SESN3: variants seen among roughly 807,000 people sequenced by gnomAD.
SESN3 encodes the protein sestrin 3, also known as sestrin-3.
SESN3 carries 21 observed loss-of-function variants against 55.3 expected under a neutral mutation model. That is an observed-to-expected ratio of 0.38 (90% CI 0.27 to 0.55). SESN3 has a LOEUF of 0.55. SESN3 is among the 20% of genes least tolerant of loss of function. The pLI is 0.76. For missense variants in SESN3, 408 were observed against 604.3 expected (o/e 0.68, Z 3.41); for synonymous variants, 181 against 203.1 (o/e 0.89, Z 0.93).
chr11:95,206,041 A>T (rs2134249674), intron 1 of SESN3, among the ~76,000 whole-genome samples: 1 of 152,088 alleles, frequency 6.6e-6, no homozygotes, highest in Middle Eastern at 3.4e-3. Context: ...CAGTTCCTAA[A>T]TTCTGTATAT....
chr11:95,200,393 A>G (rs1565469784), intron 1 of SESN3, among the ~76,000 whole-genome samples: 2 of 152,074 alleles, frequency 1.3e-5, no homozygotes, highest in African/African-American at 4.8e-5. Flanking sequence ...CCATATTAAA[A>G]TATGTATTGA....
At chr11:95,198,302 T>C (rs544497214) in intron 1 of SESN3, among the ~76,000 whole-genome samples, 3 of 150,076 alleles carry the variant, frequency 2.0e-5, no homozygotes, top group East Asian at 3.9e-4. Flanking sequence ...CAAAGCATAA[T>C]ATAAAATATT....
In SESN3 at chr11:95,230,552, G is replaced by GA. The variant is rs1350220376; in HGVS notation, c.78+230dup. 13 of 525,046 alleles carry GA rather than the reference G, an allele frequency of 2.5e-5. No homozygotes were observed. In the African/African-American group the frequency reaches 2.7e-4, roughly 11 times the overall value. The allele number at this position is 525,046 out of a possible 1,614,324, so 32.5% of individuals were successfully genotyped here. Reference sequence around the variant, plus strand: ...GCACCAAATAAAAGGAACAAGGGAAGAAAAAATATCCCAACCCCTCCAGAC... The same window carrying GA: ...GCACCAAATAAAAGGAACAAGGGAAGAAAAAAATATCCCAACCCCTCCAGAC... On this transcript the variant is annotated intron_variant, in intron 1 of 9. Transcript: ENST00000536441. The surrounding 1 kb of genome is among the most constrained non-coding windows in gnomAD (Gnocchi z 4.6).
At position 95,185,326 on chromosome 11, in the gene SESN3, T is replaced by C. The variant is rs143672508; in HGVS notation, c.692A>G (p.Asn231Ser). The change falls in exon 5 of 10, where the codon AAT becomes AGT. Residue 231 changes from asparagine (N) to serine (S), a missense_variant. Transcript: ENST00000536441. ...ATTAGCAAGATCACAAACGCAGAAA[T>C]TGTTGACTGATATTAGCCTGAATCC... ...SNGFRLISVN[N>S]FCVCDLANDN... 3.8e-5 allele frequency: 61 copies of C among 1,613,052 alleles called. No individual in the cohort carries two copies. In the African/African-American group the frequency reaches 7.1e-4, roughly 19 times the overall value.
At chr11:95,193,798 C>T (rs1184791568) in intron 1 of SESN3, among the ~76,000 whole-genome samples, 1 of 152,068 alleles carries the variant, frequency 6.6e-6, no homozygotes, top group Non-Finnish European at 1.5e-5. Flanking sequence ...TTTAAGCCCA[C>T]ATCTGACATG....
In SESN3 at chr11:95,222,819, T is replaced by C. The variant is rs189097956; in HGVS notation, c.78+7964A>G. On this transcript the variant is annotated intron_variant, in intron 1 of 9. Coordinates refer to ENST00000536441, the MANE Select transcript of SESN3 (RefSeq NM_144665.4). ...CAGATTTTTGAAAGACAAATAGGAA[T>C]TCTATATGGTAACTACAGGTTTAGG... is the stretch of plus-strand genomic sequence containing the variant. 5.2e-3 allele frequency among the ~76,000 whole-genome samples: 795 copies of C among 152,348 alleles called. 3 individuals are homozygous for C. The highest frequency in any genetic ancestry group is 7.0e-3 in the Non-Finnish European group (473 of 68,018).
intron 1 of SESN3, among the ~76,000 whole-genome samples, chr11:95,216,127 A>AAATCCTTTAT: frequency 6.8e-6 from 1 of 147,414 alleles, no homozygotes; most frequent in South Asian, 2.2e-4. Flanking sequence ...AAAAAAAAAG[A>AAATCCTTTAT]AATCCTTTAT....
intron 1 of SESN3, among the ~76,000 whole-genome samples, chr11:95,211,074 C>T (rs1860645944): frequency 6.6e-6 from 1 of 152,136 alleles, no homozygotes; most frequent in African/African-American, 2.4e-5. Context: ...TAATAAATAT[C>T]CCAGATAATC....
intron 9 of SESN3, among the ~76,000 whole-genome samples, chr11:95,174,576 T>C (rs927879237): frequency 1.3e-5 from 2 of 152,048 alleles, no homozygotes; most frequent in African/African-American, 4.8e-5. Flanking sequence ...CTCTGCCTCC[T>C]GGGTTCAAGC....
chr11:95,177,715 A>G lies in SESN3; in HGVS notation c.1247+4T>C. On this transcript the variant is annotated splice_donor_region_variant and intron_variant, in intron 8 of 9. Coordinates refer to ENST00000536441, the MANE Select transcript of SESN3 (RefSeq NM_144665.4). ...GTAAAAAACTGTCTCTACAATGAACATACCTGATTCCAAACATACAGTGAA... is the reference window on the plus strand; with the variant it reads ...GTAAAAAACTGTCTCTACAATGAACGTACCTGATTCCAAACATACAGTGAA... 6.2e-7 allele frequency: 1 copy of G among 1,600,024 alleles called. No individual in the cohort carries two copies. Among genetic ancestry groups the G allele is most frequent in the Non-Finnish European group, 8.5e-7 (1 of 1,174,674 alleles).
At chr11:95,217,140 C>T (rs1860774261) in intron 1 of SESN3, among the ~76,000 whole-genome samples, 2 of 151,328 alleles carry the variant, frequency 1.3e-5, no homozygotes, top group Admixed American at 1.3e-4. Context: ...TTTTCCACTA[C>T]TATATGCTTA....
intron 8 of SESN3, 145 bp from the exon 9 acceptor site, chr11:95,175,787 T>C (rs1012295829): frequency 1.5e-5 from 10 of 670,262 alleles, no homozygotes; most frequent in Admixed American, 2.8e-5. Flanking sequence ...TGAGTACCCA[T>C]TATGTGCCAT....
chr11:95,221,001 G>T (rs1349169460), intron 1 of SESN3, among the ~76,000 whole-genome samples: 1 of 152,128 alleles, frequency 6.6e-6, no homozygotes. Flanking sequence ...TATAAAATGT[G>T]TTTTGAAAGT....
rs770128317 is a variant in SESN3, at chr11:95,230,413, C to T, written c.78+370G>A. On this transcript the variant is annotated intron_variant, in intron 1 of 9. Coordinates refer to ENST00000536441, the MANE Select transcript of SESN3 (RefSeq NM_144665.4). This position sits in a 1 kb window ranked among gnomAD's most constrained non-coding sequence, Gnocchi z 4.6. ...GCTGCTCTGATTTCACACCGACCTC[C>T]ATCAACAGCTAAACTGCACAGGGAG... 4 of 194,852 alleles carry T rather than the reference C, an allele frequency of 2.1e-5. No individual in the cohort carries two copies. Among genetic ancestry groups the T allele is most frequent in the Non-Finnish European group, 4.2e-5 (4 of 94,930 alleles). The allele number at this position is 194,852 out of a possible 1,614,324, so 12.1% of individuals were successfully genotyped here.
upstream of SESN3, chr11:95,232,127 T>C (rs1430841914): frequency 6.6e-6 from 1 of 152,212 alleles, no homozygotes; most frequent in Non-Finnish European, 1.5e-5. Flanking sequence ...GAGAACAAAT[T>C]GTCGTTTAAA....
chr11:95,191,512 G>A lies in SESN3; in HGVS notation c.234C>T (p.Val78=), dbSNP rs770893060. Reference sequence around the variant, plus strand: ...CCAGGTACTGAGTGTGTAAACTCATGACCTGTGTGATGTTGTCCAGACGAC... The same window carrying A: ...CCAGGTACTGAGTGTGTAAACTCATAACCTGTGTGATGTTGTCCAGACGAC... ...TSGRLDNITQ[V]MSLHTQYLES... is the part of the protein sequence containing the mutation. The change falls in exon 3 of 10, where the codon GTC becomes GTT. Residue 78 remains valine, a synonymous_variant. Transcript: ENST00000536441. 5 of 1,612,682 alleles carry A rather than the reference G, an allele frequency of 3.1e-6. No individual in the cohort carries two copies. The highest frequency in any genetic ancestry group is 4.2e-6 in the Non-Finnish European group (5 of 1,178,984).
At chr11:95,179,194 G>A (rs1251787625) in intron 6 of SESN3, among the ~76,000 whole-genome samples, 17 of 150,672 alleles carry the variant, frequency 1.1e-4, no homozygotes, top group Non-Finnish European at 2.1e-4. Context: ...TTGCTCTGTC[G>A]CCCTGGCTGG....
Position 95,177,892 on chromosome 11 carries a change from A to G in SESN3, c.1074T>C (p.Asn358=). Residue 358 remains asparagine (N), a synonymous_variant, in exon 8 of 10, where the codon AAT becomes AAC. Transcript: ENST00000536441. ...TFRAQDYTWE[N]HGFSLVNRLY... Reference sequence around the variant, plus strand: ...GTCTGTTCACCAGGGAGAACCCATGATTTTCCCAGGTATAGTCCTAAAAGA... The same window carrying G: ...GTCTGTTCACCAGGGAGAACCCATGGTTTTCCCAGGTATAGTCCTAAAAGA... The G allele has an allele frequency of 6.3e-7, 1 of 1,589,384 alleles. No homozygotes were observed. Among genetic ancestry groups the G allele is most frequent in the Non-Finnish European group, 8.5e-7 (1 of 1,171,118 alleles).
At position 95,172,994 on chromosome 11, in the gene SESN3, G is replaced by C. The variant is rs1460350214; in HGVS notation, c.*261C>G. The C allele has an allele frequency of 8.1e-6, 3 of 371,090 alleles. No homozygotes were observed. The Admixed American group carries it at 1.2e-4, about 15-fold the overall frequency. 23.0% of individuals were successfully genotyped at this position (371,090 alleles called of 1,614,324 possible). A position where few individuals can be genotyped will look rare whatever the true frequency, so the allele number is the denominator to read the frequency against. ...ACGCCAGATTCATGATTTATGATCA[G>C]TATCCAAAACTCCAACTACAAACAA... On this transcript the variant is annotated 3_prime_UTR_variant, in exon 10 of 10. Transcript: ENST00000536441.
Sources: allele counts gnomAD v4.1 joint callset (sites outside exome capture counted in the v4.1 genomes callset), GRCh38; gene constraint gnomAD v4.1.1; non-coding constraint Gnocchi (gnomAD v3.1); transcripts MANE v1.5; gene names NCBI Gene and HGNC (gene_info 2026-07-23, HGNC 2026-07-21).